FSTL4: variants seen among roughly 807,000 people sequenced by gnomAD.
FSTL4 encodes the protein follistatin-related protein 4.
Under a neutral mutation model 78.2 loss-of-function variants are expected in FSTL4, and 28 were observed. That is an observed-to-expected ratio of 0.36 (90% CI 0.27 to 0.49). FSTL4 has a LOEUF of 0.49. Among genes scored for constraint, FSTL4 ranks in the 20% least tolerant of loss-of-function variants. FSTL4 has a pLI of 0.98. For synonymous variants in FSTL4, 422 were observed against 440.5 expected (o/e 0.96, Z 0.53); for missense variants, 922 against 1,084.9 (o/e 0.85, Z 2.11).
At chr5:133,696,031 C>A in the FSTL4 span, among the ~76,000 whole-genome samples, 1 of 152,358 alleles carries the variant, frequency 6.6e-6, no homozygotes, top group South Asian at 2.1e-4. Flanking sequence ...GGGAAAGAGT[C>A]TGTGCTCAGT....
chr5:133,603,215 G>A (rs773272892), intron 2 of FSTL4, among the ~76,000 whole-genome samples: 4 of 152,124 alleles, frequency 2.6e-5, no homozygotes, highest in Non-Finnish European at 5.9e-5. Context: ...CCTTGGAGAG[G>A]GCCAGGTTGC....
the FSTL4 span, among the ~76,000 whole-genome samples, chr5:133,826,798 A>G: frequency 6.6e-6 from 1 of 152,218 alleles, no homozygotes; most frequent in African/African-American, 2.4e-5. Flanking sequence ...CCCCAACCTA[A>G]GGGAATAAAA....
chr5:133,511,465 A>G (rs1429278485), intron 3 of FSTL4, among the ~76,000 whole-genome samples: 1 of 152,096 alleles, frequency 6.6e-6, no homozygotes, highest in Non-Finnish European at 1.5e-5. Context: ...ACCCAACTGA[A>G]TAAGTAGCTC....
intron 3 of FSTL4, among the ~76,000 whole-genome samples, chr5:133,539,401 C>T (rs1469825882): frequency 6.6e-6 from 1 of 152,114 alleles, no homozygotes; most frequent in Admixed American, 6.5e-5. Context: ...GACAAGACTT[C>T]TCATGTGAGG....
At chr5:133,668,825 C>T in the FSTL4 span, among the ~76,000 whole-genome samples, 263 of 152,246 alleles carry the variant, frequency 1.7e-3, 1 homozygote, top group African/African-American at 6.2e-3. Flanking sequence ...CCAGGCCCAT[C>T]AGGCATAGTG....
At chr5:133,605,013 C>T (rs1266288886) in intron 1 of FSTL4, among the ~76,000 whole-genome samples, 2 of 152,174 alleles carry the variant, frequency 1.3e-5, no homozygotes, top group African/African-American at 2.4e-5. Flanking sequence ...TCAGCTACAA[C>T]AAATATTCAA....
chr5:133,509,808 G>A (rs935957517), intron 3 of FSTL4, among the ~76,000 whole-genome samples: 8 of 152,268 alleles, frequency 5.3e-5, no homozygotes, highest in African/African-American at 1.9e-4. Context: ...AGCTGGGCAG[G>A]CAGTGTGACA....
chr5:133,495,347 G>A (rs911215599), intron 3 of FSTL4, among the ~76,000 whole-genome samples: 2 of 152,212 alleles, frequency 1.3e-5, no homozygotes, highest in Non-Finnish European at 2.9e-5. Context: ...AGGATCCCAC[G>A]ATGTGGCAGG....
At chr5:133,519,175 T>C (rs1462860549) in intron 3 of FSTL4, among the ~76,000 whole-genome samples, 1 of 152,230 alleles carries the variant, frequency 6.6e-6, no homozygotes, top group Non-Finnish European at 1.5e-5. Context: ...CTTGTCCTTA[T>C]AATCTAACAT....
chr5:133,299,799 TG>T (rs1226065537), intron 6 of FSTL4, among the ~76,000 whole-genome samples: 22 of 152,100 alleles, frequency 1.4e-4, no homozygotes, highest in Admixed American at 1.4e-3. Context: ...GCTCTGTGAT[TG>T]GGGGGCTGGG....
intron 4 of FSTL4, among the ~76,000 whole-genome samples, chr5:133,326,352 T>G (rs1487907236): frequency 6.6e-6 from 1 of 152,144 alleles, no homozygotes; most frequent in Non-Finnish European, 1.5e-5. Flanking sequence ...TATGATACAG[T>G]CTTCTCACAA....
chr5:133,346,385 C>T (rs1238411872), intron 4 of FSTL4, among the ~76,000 whole-genome samples: 2 of 152,032 alleles, frequency 1.3e-5, no homozygotes, highest in African/African-American at 4.8e-5. Context: ...GTTCTGCACA[C>T]GTATCCCAGA....
chr5:133,472,500 G>A (rs1162325551), intron 3 of FSTL4, among the ~76,000 whole-genome samples: 1 of 152,200 alleles, frequency 6.6e-6, no homozygotes, highest in African/African-American at 2.4e-5. Context: ...AATCATATTA[G>A]TGAATGCCTA....
At chr5:133,752,411 G>A in the FSTL4 span, among the ~76,000 whole-genome samples, 1 of 152,120 alleles carries the variant, frequency 6.6e-6, no homozygotes, top group East Asian at 1.9e-4. Flanking sequence ...AAGGTCAGGA[G>A]TTTGAGACCA....
At chr5:133,639,494 C>T in the FSTL4 span, among the ~76,000 whole-genome samples, 1 of 152,192 alleles carries the variant, frequency 6.6e-6, no homozygotes, top group Non-Finnish European at 1.5e-5. Flanking sequence ...ATGAGAAAGC[C>T]TTTGCTCCTT....
intron 3 of FSTL4, among the ~76,000 whole-genome samples, chr5:133,461,951 G>C: frequency 6.6e-6 from 1 of 152,182 alleles, no homozygotes; most frequent in African/African-American, 2.4e-5. Flanking sequence ...CTAGGCCTAT[G>C]CAGGTTTAGA....
chr5:133,808,954 C>A, the FSTL4 span, among the ~76,000 whole-genome samples: 1 of 150,384 alleles, frequency 6.6e-6, no homozygotes, highest in Non-Finnish European at 1.5e-5. Context: ...ACTGTCAGGA[C>A]GTGTGGTCAC....
chr5:133,746,074 G>A, the FSTL4 span, among the ~76,000 whole-genome samples: 1 of 152,118 alleles, frequency 6.6e-6, no homozygotes, highest in Non-Finnish European at 1.5e-5. Context: ...GTTTTTTAAC[G>A]CCTGAGAAAA....
intron 6 of FSTL4, among the ~76,000 whole-genome samples, chr5:133,278,076 T>G (rs1413836415): frequency 6.6e-6 from 1 of 152,122 alleles, no homozygotes; most frequent in Non-Finnish European, 1.5e-5. Flanking sequence ...TTAAAAGATT[T>G]GCATGGGTGC....
Sources: gnomAD v4.1 joint callset for allele counts (sites outside exome capture counted in the v4.1 genomes callset) on GRCh38, gnomAD v4.1.1 for gene constraint, MANE v1.5 for transcripts, NCBI Gene and HGNC (gene_info 2026-07-23, HGNC 2026-07-21) for gene names.